The following SEPTIN9 variants were observed in gnomAD, a reference collection of about 807,000 sequenced individuals.
SEPTIN9 encodes the protein septin 9, also known as septin-9.
A neutral mutation model predicts 56.6 loss-of-function variants in SEPTIN9; 13 were observed. The observed-to-expected ratio is 0.23, with a 90% CI of 0.15 to 0.37. SEPTIN9 has a LOEUF of 0.37. Ranked by LOEUF, SEPTIN9 falls within the 10% of genes least tolerant of loss-of-function variation. The pLI is 1.00. For synonymous variants in SEPTIN9, 332 were observed against 334.1 expected (o/e 0.99, Z 0.07); for missense variants, 650 against 823.1 (o/e 0.79, Z 2.57).
chr17:77,446,963 C>CG (rs2037765158), intron 3 of SEPTIN9: 1 of 167,126 alleles, frequency 6.0e-6, no homozygotes, highest in Non-Finnish European at 1.5e-5. Context: ...ACACTGAGTA[C>CG]ATTCACAGTG....
chr17:77,415,333 G>A (rs1452034988), intron 3 of SEPTIN9, among the ~76,000 whole-genome samples: 1 of 152,170 alleles, frequency 6.6e-6, no homozygotes, highest in South Asian at 2.1e-4. Context: ...TCGGCCAGGC[G>A]TGGTGCCTCA....
rs947575406 is a variant in SEPTIN9 at position 77,449,375 on chromosome 17, G to A, written c.722-32769G>A. On this transcript the variant is annotated intron_variant, in intron 3 of 11. Transcript: ENST00000427177. The surrounding 1 kb of genome is among the most constrained non-coding windows in gnomAD (Gnocchi z 4.6). ...CAAGAGGGGCGGCCACCTCAGCAAA[G>A]CACCCAGGATGCTGGCCTCCCAGCT... Among the ~76,000 whole-genome samples, 3 of 152,186 alleles carry A rather than the reference G, an allele frequency of 2.0e-5. No individual in the cohort carries two copies. Among genetic ancestry groups the A allele is most frequent in the Non-Finnish European group, 2.9e-5 (2 of 68,030 alleles).
rs544432531 is a variant in SEPTIN9, at chr17:77,367,582, G to C, written c.77-34477G>C. ...TGTAATCCCAGCACTTTGGGAGGCTGAGGAGGATGGATCACTTGAGGCCAG... is the reference window on the plus strand; with the variant it reads ...TGTAATCCCAGCACTTTGGGAGGCTCAGGAGGATGGATCACTTGAGGCCAG... On this transcript the variant is annotated intron_variant, in intron 2 of 11. Coordinates refer to ENST00000427177, the MANE Select transcript of SEPTIN9 (RefSeq NM_001113491.2). This position sits in a 1 kb window ranked among gnomAD's most constrained non-coding sequence, Gnocchi z 4.5. Among the ~76,000 whole-genome samples, 24 of 152,082 alleles carry C rather than the reference G, an allele frequency of 1.6e-4. No homozygotes were observed. The highest frequency in any genetic ancestry group is 2.6e-4 in the Non-Finnish European group (18 of 67,998).
chr17:77,307,084 C>G, intron 1 of SEPTIN9, 57 bp from the exon 2 acceptor site: 1 of 1,513,670 alleles, frequency 6.6e-7, no homozygotes, highest in African/African-American at 1.4e-5. Context: ...AATCATCCAC[C>G]CGGAGGGAGA....
At chr17:77,304,036 A>G (rs1370192770) in intron 1 of SEPTIN9, among the ~76,000 whole-genome samples, 2 of 152,248 alleles carry the variant, frequency 1.3e-5, no homozygotes, top group Non-Finnish European at 2.9e-5. Flanking sequence ...TCACATAAAG[A>G]TAACTCACTT....
chr17:77,351,629 C>T (rs1347621274), intron 2 of SEPTIN9, among the ~76,000 whole-genome samples: 1 of 152,230 alleles, frequency 6.6e-6, no homozygotes, highest in African/African-American at 2.4e-5. Context: ...AGGCCCTGCC[C>T]CTGAGACATG....
intron 2 of SEPTIN9, among the ~76,000 whole-genome samples, chr17:77,377,683 A>G (rs1011950095): frequency 6.6e-6 from 1 of 152,280 alleles, no homozygotes; most frequent in African/African-American, 2.4e-5. Context: ...TTCTTGTCTG[A>G]GAGTCCCAAC....
rs1258220220 is a variant in SEPTIN9, at chr17:77,437,917, G to C, written c.721+35214G>C. Among the ~76,000 whole-genome samples, 4 of 152,198 alleles carry C rather than the reference G, an allele frequency of 2.6e-5. No homozygotes were observed. The highest frequency in any genetic ancestry group is 5.9e-5 in the Non-Finnish European group (4 of 68,034). ...CCCCTTGCTTGCGCTGGTGACTGTG[G>C]CTGGTTGTTGGTGCCTGGCCCTGCC... On this transcript the variant is annotated intron_variant, in intron 3 of 11. Coordinates refer to ENST00000427177, the MANE Select transcript of SEPTIN9 (RefSeq NM_001113491.2). This position sits in a 1 kb window ranked among gnomAD's most constrained non-coding sequence, Gnocchi z 5.3.
At chr17:77,404,560 T>C (rs1341447898) in intron 3 of SEPTIN9, among the ~76,000 whole-genome samples, 2 of 152,192 alleles carry the variant, frequency 1.3e-5, no homozygotes, top group Non-Finnish European at 2.9e-5. Context: ...GGTTTTTCTT[T>C]TTGAATGAGA....
rs1165215175 is a variant in SEPTIN9, at chr17:77,498,710, C to CA, written c.*52_*53insA. On this transcript the variant is annotated 3_prime_UTR_variant, in exon 12 of 12. Coordinates refer to ENST00000427177, the MANE Select transcript of SEPTIN9 (RefSeq NM_001113491.2). ...CTGCCCCCAAGTCATTTCCGTCCCC[C>CA]CCCAGGCCCTCCCACCACCCCATTT... is the stretch of plus-strand genomic sequence containing the variant. 1.0e-5 allele frequency: 12 copies of CA among 1,173,866 alleles called. No homozygotes were observed. The highest frequency in any genetic ancestry group is 7.6e-5 in the East Asian group (3 of 39,382). 72.7% of individuals were successfully genotyped at this position (1,173,866 alleles called of 1,614,324 possible). A position where few individuals can be genotyped will look rare whatever the true frequency, so the allele number is the denominator to read the frequency against.
At chr17:77,360,640 C>A (rs1884645602) in intron 2 of SEPTIN9, among the ~76,000 whole-genome samples, 1 of 152,010 alleles carries the variant, frequency 6.6e-6, no homozygotes, top group Non-Finnish European at 1.5e-5. Flanking sequence ...TCTCCGCTCA[C>A]TGCAAGCTCC....
chr17:77,361,718 C>T (rs755493826), intron 2 of SEPTIN9, among the ~76,000 whole-genome samples: 5 of 152,012 alleles, frequency 3.3e-5, no homozygotes, highest in East Asian at 1.9e-4. Context: ...CTGCAAGCTC[C>T]GCCTCCCAGG....
At chr17:77,362,101 C>T (rs577189462) in intron 2 of SEPTIN9, among the ~76,000 whole-genome samples, 111 of 152,380 alleles carry the variant, frequency 7.3e-4, no homozygotes, top group Admixed American at 7.0e-3. Context: ...TCCACATTCA[C>T]CTCCTTGAAA....
At chr17:77,290,215 G>A (rs1331291807) in intron 1 of SEPTIN9, among the ~76,000 whole-genome samples, 1 of 151,936 alleles carries the variant, frequency 6.6e-6, no homozygotes, top group African/African-American at 2.4e-5. Flanking sequence ...GGGGCTAGGT[G>A]GAGACTGGCT....
At chr17:77,372,125 T>G (rs1722872858) in intron 2 of SEPTIN9, among the ~76,000 whole-genome samples, 1 of 152,160 alleles carries the variant, frequency 6.6e-6, no homozygotes, top group Admixed American at 6.5e-5. Flanking sequence ...GGCCTGCTGC[T>G]TCGGGGGTGG....
intron 3 of SEPTIN9, among the ~76,000 whole-genome samples, chr17:77,468,739 A>T (rs2038855063): frequency 6.6e-6 from 1 of 152,198 alleles, no homozygotes; most frequent in Admixed American, 6.5e-5. Context: ...ATAGAGGGAA[A>T]TCATCAGATT....
At chr17:77,283,494 C>G (rs1166427041) in intron 1 of SEPTIN9, among the ~76,000 whole-genome samples, 4 of 136,354 alleles carry the variant, frequency 2.9e-5, no homozygotes, top group African/African-American at 1.1e-4. Context: ...GGTACGGGCA[C>G]TCGCAGGAGT....
intron 2 of SEPTIN9, among the ~76,000 whole-genome samples, chr17:77,316,612 A>T (rs1287849634): frequency 6.6e-6 from 1 of 152,144 alleles, no homozygotes; most frequent in Non-Finnish European, 1.5e-5. Context: ...AGGCTGGGTC[A>T]GAGCCTCGTG....
rs2035952663 is a variant in SEPTIN9 at position 77,402,897 on chromosome 17, A to T, written c.721+194A>T. On this transcript the variant is annotated intron_variant, in intron 3 of 11. Coordinates refer to ENST00000427177, the MANE Select transcript of SEPTIN9 (RefSeq NM_001113491.2). This position sits in a 1 kb window ranked among gnomAD's most constrained non-coding sequence, Gnocchi z 6.6. ...GTGGCTCTCTCTGTCTGATGGGAAC[A>T]TGCCAAGATGCCCCAAGCGGGACTT... Among the ~76,000 whole-genome samples, 1 of 152,174 alleles carries T rather than the reference A, an allele frequency of 6.6e-6. No individual in the cohort carries two copies. Among genetic ancestry groups the T allele is most frequent in the Non-Finnish European group, 1.5e-5 (1 of 68,020 alleles).
Sources: gnomAD v4.1 joint callset for allele counts (sites outside exome capture counted in the v4.1 genomes callset) on GRCh38, gnomAD v4.1.1 for gene constraint, Gnocchi (gnomAD v3.1) non-coding constraint, MANE v1.5 for transcripts, NCBI Gene and HGNC (gene_info 2026-07-23, HGNC 2026-07-21) for gene names.